Variants in CCDC141 observed in about 807,000 individuals in gnomAD.
CCDC141 encodes coiled-coil domain containing 141.
A neutral mutation model predicts 181.0 loss-of-function variants in CCDC141; 168 were observed. That is an observed-to-expected ratio of 0.93 (90% CI 0.82 to 1.05). The LOEUF (loss-of-function observed/expected upper bound fraction) is 1.05. Ranked by LOEUF, CCDC141 falls within the 50% of genes least tolerant of loss-of-function variation. The probability of loss-of-function intolerance (pLI) is 0.00; values close to 1 mark genes in which losing one functional copy is unlikely to be tolerated. For synonymous variants in CCDC141, 666 were observed against 642.3 expected (o/e 1.04, Z -0.56); for missense variants, 1,902 against 1,788.5 (o/e 1.06, Z -1.14).
At chr2:179,045,375 G>A (rs1042071231) in intron 2 of CCDC141, among the ~76,000 whole-genome samples, 1 of 147,476 alleles carries the variant, frequency 6.8e-6, no homozygotes, top group African/African-American at 2.5e-5. Flanking sequence ...GTATTCCATG[G>A]TGTATATGTG....
chr2:179,047,394 C>T lies in CCDC141; in HGVS notation c.115G>A (p.Val39Ile). Residue 39 changes from valine (V) to isoleucine (I), a missense_variant, in exon 2 of 24, where the codon GTA (valine) becomes ATA (isoleucine). Transcript: ENST00000443758. ...TGTGATTCAGCCAGTTGAAGTTGTA[C>T]CCATTTGCCACACTAAAAATAAAAA... The part of the protein sequence containing the change: ...VIAVIKCGKW[V>I]QLQLAESQPN... The T allele has an allele frequency of 6.6e-7, 1 of 1,514,288 alleles. No homozygotes were observed. The highest frequency in any genetic ancestry group is 2.4e-5 in the Admixed American group (1 of 41,892). 93.8% of individuals were successfully genotyped at this position (1,514,288 alleles called of 1,614,324 possible). A position where few individuals can be genotyped will look rare whatever the true frequency, so the allele number is the denominator to read the frequency against.
At chr2:178,960,720 C>A (rs748587092) in intron 5 of CCDC141, among the ~76,000 whole-genome samples, 3 of 152,150 alleles carry the variant, frequency 2.0e-5, no homozygotes, top group Non-Finnish European at 2.9e-5. Flanking sequence ...CTCATCAACC[C>A]CCAAAGCCCT....
intron 6 of CCDC141, among the ~76,000 whole-genome samples, chr2:178,940,432 C>A (rs1048621561): frequency 2.0e-5 from 3 of 152,144 alleles, no homozygotes; most frequent in African/African-American, 7.2e-5. Flanking sequence ...AAACACGTAA[C>A]TCTGTATTTT....
chr2:178,943,059 C>T (rs927958078), intron 6 of CCDC141, among the ~76,000 whole-genome samples: 3 of 151,972 alleles, frequency 2.0e-5, no homozygotes, highest in African/African-American at 4.8e-5. Flanking sequence ...GAATATAACC[C>T]CAAGGGATGT....
chr2:178,900,315 A>G (rs748323664), intron 8 of CCDC141, among the ~76,000 whole-genome samples: 1 of 152,306 alleles, frequency 6.6e-6, no homozygotes, highest in Admixed American at 6.5e-5. Flanking sequence ...TTATGTAAAA[A>G]TTAAGACAAA....
intron 2 of CCDC141, among the ~76,000 whole-genome samples, chr2:178,982,423 C>T (rs766699675): frequency 2.0e-4 from 30 of 152,148 alleles, no homozygotes; most frequent in Non-Finnish European, 3.5e-4. Flanking sequence ...ACATTGAAAA[C>T]TAAAAATCAT....
At chr2:178,900,357 T>A (rs1283899944) in intron 8 of CCDC141, among the ~76,000 whole-genome samples, 1 of 152,130 alleles carries the variant, frequency 6.6e-6, no homozygotes, top group Non-Finnish European at 1.5e-5. Context: ...AAAACTGGTA[T>A]GGATAAGGAA....
intron 6 of CCDC141, among the ~76,000 whole-genome samples, chr2:178,929,715 T>A (rs965877928): frequency 6.6e-6 from 1 of 152,138 alleles, no homozygotes; most frequent in Admixed American, 6.5e-5. Flanking sequence ...TTCTGAGTTT[T>A]AACAATGACC....
At chr2:178,972,049 T>C (rs552803486) in intron 4 of CCDC141, among the ~76,000 whole-genome samples, 10 of 151,878 alleles carry the variant, frequency 6.6e-5, no homozygotes, top group Non-Finnish European at 1.0e-4. Flanking sequence ...GTTCTGAACA[T>C]GTACCCCAGA....
At chr2:178,932,350 T>C (rs1689133453) in intron 6 of CCDC141, among the ~76,000 whole-genome samples, 1 of 152,136 alleles carries the variant, frequency 6.6e-6, no homozygotes, top group South Asian at 2.1e-4. Context: ...GCAGAGATGC[T>C]CAAATTTAAC....
At chr2:178,961,766 G>A in intron 4 of CCDC141, among the ~76,000 whole-genome samples, 1 of 152,144 alleles carries the variant, frequency 6.6e-6, no homozygotes, top group East Asian at 1.9e-4. Flanking sequence ...AATGAGCGTG[G>A]GATTTTGACA....
At chr2:178,956,377 G>T (rs548001517) in intron 5 of CCDC141, among the ~76,000 whole-genome samples, 1 of 152,282 alleles carries the variant, frequency 6.6e-6, no homozygotes, top group East Asian at 1.9e-4. Context: ...GCTCACTGCA[G>T]CTTTGGCCTC....
At chr2:179,003,046 G>T (rs529380384) in intron 2 of CCDC141, among the ~76,000 whole-genome samples, 1 of 152,236 alleles carries the variant, frequency 6.6e-6, no homozygotes, top group East Asian at 1.9e-4. Context: ...ATGGGATAAA[G>T]ATCTATTTTG....
At chr2:178,826,495 G>T (rs1055064201), downstream of CCDC141, among the ~76,000 whole-genome samples, 1 of 152,162 alleles carries the variant, frequency 6.6e-6, no homozygotes, top group African/African-American at 2.4e-5. Flanking sequence ...AGACTGTGGA[G>T]AATGGCTATT....
At chr2:178,999,925 A>G (rs1057029932) in intron 2 of CCDC141, among the ~76,000 whole-genome samples, 2 of 152,170 alleles carry the variant, frequency 1.3e-5, no homozygotes, top group Non-Finnish European at 2.9e-5. Context: ...AGTCATTATT[A>G]TAGTGCATTT....
intron 3 of CCDC141, 53 bp downstream of exon 3, chr2:178,978,431 T>C: frequency 8.9e-7 from 1 of 1,126,368 alleles, no homozygotes; most frequent in Non-Finnish European, 1.2e-6. Context: ...TTTTCAGGAG[T>C]GCTATTCATT....
At chr2:178,980,055 TAGC>T (rs543915439) in intron 2 of CCDC141, among the ~76,000 whole-genome samples, 42 of 152,270 alleles carry the variant, frequency 2.8e-4, no homozygotes, top group African/African-American at 9.6e-4. Context: ...AATCAGAAAT[TAGC>T]AGGTTAGATT....
chr2:178,902,089 C>T (rs1347544064), intron 8 of CCDC141, among the ~76,000 whole-genome samples: 1 of 152,096 alleles, frequency 6.6e-6, no homozygotes, highest in Non-Finnish European at 1.5e-5. Context: ...CAAACCACTG[C>T]TCAATGAAAT....
chr2:178,954,891 G>T (rs1297027101), intron 5 of CCDC141, among the ~76,000 whole-genome samples: 1 of 151,898 alleles, frequency 6.6e-6, no homozygotes, highest in Non-Finnish European at 1.5e-5. Flanking sequence ...GATCATCTGA[G>T]AACATGATAA....
Sources: allele counts gnomAD v4.1 joint callset (sites outside exome capture counted in the v4.1 genomes callset), GRCh38; gene constraint gnomAD v4.1.1; transcripts MANE v1.5; gene names NCBI Gene and HGNC (gene_info 2026-07-23, HGNC 2026-07-21).